ZNF385D: variants seen among roughly 807,000 people sequenced by gnomAD.
ZNF385D encodes the protein zinc finger protein 659.
Under a neutral mutation model 35.8 loss-of-function variants are expected in ZNF385D, and 15 were observed. That is an observed-to-expected ratio of 0.42 (90% CI 0.28 to 0.64). The LOEUF is 0.64. Among genes scored for constraint, ZNF385D ranks in the 30% least tolerant of loss-of-function variants. ZNF385D has a pLI of 0.23. For missense variants in ZNF385D, 474 were observed against 494.6 expected, an observed-to-expected ratio of 0.96 and a Z score of 0.39; for synonymous variants, 212 against 186.8, an observed-to-expected ratio of 1.13 and a Z score of -1.10.
intron 3 of ZNF385D, among the ~76,000 whole-genome samples, chr3:21,936,329 T>A (rs966560177): frequency 2.0e-5 from 3 of 152,108 alleles, no homozygotes; most frequent in Non-Finnish European, 4.4e-5. Context: ...TCTTAGCGTA[T>A]TGAGGCTAAA....
At chr3:22,004,021 A>G (rs950545011) in intron 3 of ZNF385D, among the ~76,000 whole-genome samples, 4 of 152,230 alleles carry the variant, frequency 2.6e-5, no homozygotes, top group Non-Finnish European at 5.9e-5. Context: ...ATAGTAACTA[A>G]AACAGTACAG....
intron 3 of ZNF385D, among the ~76,000 whole-genome samples, chr3:22,157,068 T>G (rs770474814): frequency 3.3e-5 from 5 of 152,074 alleles, no homozygotes; most frequent in Non-Finnish European, 7.4e-5. Context: ...CAAGGAGCAA[T>G]CCAAGGTAGC....
chr3:22,203,289 A>G (rs1183591474), intron 2 of ZNF385D, among the ~76,000 whole-genome samples: 1 of 152,058 alleles, frequency 6.6e-6, no homozygotes, highest in African/African-American at 2.4e-5. Flanking sequence ...ACACACTGGG[A>G]CAGAAGGGAA....
At chr3:21,772,755 C>G (rs1004420956) in intron 3 of ZNF385D, among the ~76,000 whole-genome samples, 4 of 151,872 alleles carry the variant, frequency 2.6e-5, no homozygotes, top group African/African-American at 9.7e-5. Flanking sequence ...TATTTGAACA[C>G]CTACGTTCAT....
intron 1 of ZNF385D, among the ~76,000 whole-genome samples, chr3:21,671,677 A>T (rs1575434535): frequency 6.6e-6 from 1 of 152,198 alleles, no homozygotes; most frequent in Admixed American, 6.6e-5. Context: ...ACAACAATTT[A>T]AAAAATACAC....
chr3:22,071,153 A>G (rs986091155), intron 3 of ZNF385D, among the ~76,000 whole-genome samples: 1 of 152,176 alleles, frequency 6.6e-6, no homozygotes, highest in Non-Finnish European at 1.5e-5. Context: ...TAAAGAATGC[A>G]TATGTTTGCA....
intron 2 of ZNF385D, among the ~76,000 whole-genome samples, chr3:22,203,895 T>C (rs192059174): frequency 6.6e-6 from 1 of 152,246 alleles, no homozygotes; most frequent in East Asian, 1.9e-4. Context: ...TGGACCTGCC[T>C]GGGGCCCAAG....
chr3:21,832,602 G>C (rs76685605), intron 3 of ZNF385D, among the ~76,000 whole-genome samples: 1 of 152,160 alleles, frequency 6.6e-6, no homozygotes, highest in Admixed American at 6.5e-5. Flanking sequence ...TGTGTAACCG[G>C]TAAATACATT....
At chr3:21,687,169 C>T (rs947460018) in intron 1 of ZNF385D, among the ~76,000 whole-genome samples, 2 of 152,128 alleles carry the variant, frequency 1.3e-5, no homozygotes, top group Non-Finnish European at 2.9e-5. Context: ...AGTCAACAGC[C>T]AGCAGCAACC....
chr3:21,492,668 C>T lies in ZNF385D; in HGVS notation c.439+18193G>A, dbSNP rs539584971. 1.1e-3 allele frequency among the ~76,000 whole-genome samples: 172 copies of T among 151,890 alleles called. 1 individual carries two copies. The highest frequency in any genetic ancestry group is 4.1e-3 in the African/African-American group (169 of 41,434). ...GTGTGATGGCGAACACCTATAGTCC[C>T]AGCTACTCGGGAGGATGAGGCGGGA... is the stretch of plus-strand genomic sequence containing the variant. On this transcript the variant is annotated intron_variant, in intron 4 of 7. Transcript: ENST00000281523.
chr3:22,138,647 A>C (rs1383703831), intron 3 of ZNF385D, among the ~76,000 whole-genome samples: 1 of 151,988 alleles, frequency 6.6e-6, no homozygotes, highest in East Asian at 1.9e-4. Flanking sequence ...CCTTCCTTAC[A>C]CCTTAGACAA....
intron 3 of ZNF385D, among the ~76,000 whole-genome samples, chr3:21,540,878 C>T (rs1171994924): frequency 6.6e-6 from 1 of 152,168 alleles, no homozygotes; most frequent in Non-Finnish European, 1.5e-5. Flanking sequence ...TCCCTCCTCA[C>T]GAGGTAAGAC....
At chr3:21,882,094 A>G (rs1698307388) in intron 3 of ZNF385D, among the ~76,000 whole-genome samples, 1 of 152,072 alleles carries the variant, frequency 6.6e-6, no homozygotes, top group Admixed American at 6.6e-5. Context: ...GATTTAGAAT[A>G]TTACATTAAC....
intron 2 of ZNF385D, among the ~76,000 whole-genome samples, chr3:22,328,946 G>T (rs1434323424): frequency 2.0e-5 from 3 of 151,760 alleles, no homozygotes; most frequent in East Asian, 3.9e-4. Flanking sequence ...GCGTGGTAGC[G>T]GGCGCCTGTA....
At chr3:21,524,683 T>C (rs1708119841) in intron 3 of ZNF385D, among the ~76,000 whole-genome samples, 1 of 152,156 alleles carries the variant, frequency 6.6e-6, no homozygotes, top group Non-Finnish European at 1.5e-5. Flanking sequence ...AGTCCAACTA[T>C]AGAAGGCTAC....
At position 21,733,649 on chromosome 3, in the gene ZNF385D, T is replaced by C. The variant is rs1383445840; in HGVS notation, c.22+17246A>G. On this transcript the variant is annotated intron_variant, in intron 1 of 7. Transcript: ENST00000281523. ...TTGTGATTCTGGGTTTGTGTCCTGA[T>C]TACAAAGACTTTCCACTGCAAGTGT... 2.0e-5 allele frequency among the ~76,000 whole-genome samples: 3 copies of C among 152,216 alleles called. No individual in the cohort carries two copies. In the East Asian group the frequency reaches 5.8e-4, roughly 29 times the overall value.
At chr3:21,839,157 C>T (rs185173377) in intron 3 of ZNF385D, among the ~76,000 whole-genome samples, 1 of 152,144 alleles carries the variant, frequency 6.6e-6, no homozygotes, top group East Asian at 1.9e-4. Context: ...TAACTCCAAG[C>T]CTTAATCATT....
intron 3 of ZNF385D, among the ~76,000 whole-genome samples, chr3:21,866,492 C>G (rs1291304): frequency 6.6e-6 from 1 of 151,908 alleles, no homozygotes; most frequent in African/African-American, 2.4e-5. Flanking sequence ...ATGAGGGCAC[C>G]GCTATTGATC....
intron 3 of ZNF385D, among the ~76,000 whole-genome samples, chr3:21,875,564 T>G (rs182872673): frequency 6.6e-6 from 1 of 152,094 alleles, no homozygotes; most frequent in South Asian, 2.1e-4. Context: ...CACTCTACAG[T>G]CTTCTTTTCA....
Sources: gnomAD v4.1 joint callset for allele counts (sites outside exome capture counted in the v4.1 genomes callset) on GRCh38, gnomAD v4.1.1 for gene constraint, MANE v1.5 for transcripts, NCBI Gene and HGNC (gene_info 2026-07-23, HGNC 2026-07-21) for gene names.